Variants in ADAMTS6 observed in about 807,000 individuals in gnomAD.
ADAMTS6 encodes ADAM metallopeptidase with thrombospondin type 1 motif 6, also known as A disintegrin and metalloproteinase with thrombospondin motifs 6.
In ADAMTS6, 23 loss-of-function variants were observed where a neutral mutation model predicts 144.3. The observed-to-expected ratio is 0.16, with a 90% CI of 0.11 to 0.23. The LOEUF is 0.23. Ranked by LOEUF, ADAMTS6 falls within the 10% of genes least tolerant of loss-of-function variation. The pLI is 1.00. For synonymous variants in ADAMTS6, 444 were observed against 457.5 expected, an observed-to-expected ratio of 0.97 and a Z score of 0.38; for missense variants, 999 against 1,379.6, an observed-to-expected ratio of 0.72 and a Z score of 4.37.
intron 7 of ADAMTS6, among the ~76,000 whole-genome samples, chr5:65,347,991 T>C (rs1336361759): frequency 6.6e-6 from 1 of 152,080 alleles, no homozygotes; most frequent in Non-Finnish European, 1.5e-5. Context: ...TCATACTTGT[T>C]AGAATGACTA....
At chr5:65,161,770 G>A (rs2112004710) in intron 24 of ADAMTS6, among the ~76,000 whole-genome samples, 1 of 152,258 alleles carries the variant, frequency 6.6e-6, no homozygotes, top group Admixed American at 6.5e-5. Context: ...TTCCATATAT[G>A]CTATTGGGAA....
At chr5:65,334,192 A>T in intron 7 of ADAMTS6, 107 bp from the exon 8 acceptor site, 1 of 1,230,066 alleles carries the variant, frequency 8.1e-7, no homozygotes, top group Non-Finnish European at 1.1e-6. Flanking sequence ...AATTAATGCA[A>T]TTATGAGCAA....
chr5:65,333,658 G>A (rs1209986666), intron 8 of ADAMTS6, among the ~76,000 whole-genome samples: 1 of 149,922 alleles, frequency 6.7e-6, no homozygotes, highest in Non-Finnish European at 1.5e-5. Context: ...GATGTTGACT[G>A]CTTTCATTTA....
chr5:65,360,207 C>A (rs918532255), intron 7 of ADAMTS6, among the ~76,000 whole-genome samples: 1 of 152,072 alleles, frequency 6.6e-6, no homozygotes, highest in Non-Finnish European at 1.5e-5. Context: ...GAGTGAGTCA[C>A]TTCAGATGGC....
chr5:65,451,577 C>T lies in ADAMTS6; in HGVS notation c.971G>A (p.Ser324Asn). Residue 324 changes from serine (S) to asparagine (N), a missense_variant, in exon 7 of 25, where the codon AGC becomes AAC. This residue lies in a region of ADAMTS6 where 128 missense variants were observed against 249.0 expected (regional missense o/e 0.51). Coordinates refer to ENST00000381055, the MANE Select transcript of ADAMTS6 (RefSeq NM_197941.4). ...INHHADKSLD[S>N]FCKWQKSILS... ...AATGGATTTCTGCCATTTACAGAAG[C>T]TATCGAGGGACTTGTCTGCATGGTG... 6.2e-7 allele frequency: 1 copy of T among 1,613,162 alleles called. No homozygotes were observed. The highest frequency in any genetic ancestry group is 1.3e-5 in the African/African-American group (1 of 74,974).
intron 7 of ADAMTS6, among the ~76,000 whole-genome samples, chr5:65,381,587 T>C (rs978693313): frequency 2.1e-5 from 3 of 141,114 alleles, no homozygotes; most frequent in Non-Finnish European, 4.6e-5. Context: ...GGTTTCACCA[T>C]CTTGGACAGG....
chr5:65,476,161 A>ATTCC (rs1760827083), intron 1 of ADAMTS6, among the ~76,000 whole-genome samples: 1 of 152,208 alleles, frequency 6.6e-6, no homozygotes, highest in African/African-American at 2.4e-5. Flanking sequence ...TATAACTAAC[A>ATTCC]AGGAACTAAG....
intron 7 of ADAMTS6, among the ~76,000 whole-genome samples, chr5:65,357,786 T>C (rs1184837146): frequency 6.6e-6 from 1 of 151,796 alleles, no homozygotes; most frequent in African/African-American, 2.4e-5. Context: ...GACTGAATCA[T>C]GATGAAATAC....
chr5:65,193,515 C>G (rs1755139067), intron 21 of ADAMTS6, among the ~76,000 whole-genome samples: 1 of 151,910 alleles, frequency 6.6e-6, no homozygotes, highest in Non-Finnish European at 1.5e-5. Context: ...CAAAATAAGA[C>G]AGCAATTAGA....
chr5:65,248,731 G>A (rs1382717577), intron 14 of ADAMTS6, among the ~76,000 whole-genome samples: 1 of 152,058 alleles, frequency 6.6e-6, no homozygotes, highest in Non-Finnish European at 1.5e-5. Flanking sequence ...AGGTTGCAGT[G>A]AGTCCAGATC....
chr5:65,227,169 TATAAA>T (rs1172454074), intron 15 of ADAMTS6, among the ~76,000 whole-genome samples: 1 of 152,164 alleles, frequency 6.6e-6, no homozygotes, highest in Non-Finnish European at 1.5e-5. Context: ...CAAGGATAAA[TATAAA>T]ATATAGTATT....
chr5:65,412,427 CACAA>C (rs1003907564), intron 7 of ADAMTS6, among the ~76,000 whole-genome samples: 6 of 152,024 alleles, frequency 3.9e-5, no homozygotes, highest in African/African-American at 9.7e-5. Flanking sequence ...CACACAGGCA[CACAA>C]ACACACACAC....
chr5:65,300,247 T>G (rs2112797748), intron 9 of ADAMTS6, 116 bp from the exon 10 acceptor site: 2 of 891,996 alleles, frequency 2.2e-6, no homozygotes, highest in Middle Eastern at 3.1e-4. Flanking sequence ...TCCATCAGGA[T>G]AGGCCAGATC....
intron 2 of ADAMTS6, 95 bp downstream of exon 2, chr5:65,473,482 C>T: frequency 9.1e-7 from 1 of 1,093,238 alleles, no homozygotes; most frequent in East Asian, 2.4e-5. Context: ...CTACATATCC[C>T]AAAAAAAACT....
intron 7 of ADAMTS6, among the ~76,000 whole-genome samples, chr5:65,444,110 G>A (rs1002181059): frequency 7.2e-5 from 11 of 152,106 alleles, no homozygotes; most frequent in African/African-American, 2.7e-4. Context: ...ATTAAAACCA[G>A]TCCAGGCTCA....
intron 9 of ADAMTS6, among the ~76,000 whole-genome samples, chr5:65,326,064 C>T (rs1746137279): frequency 1.3e-5 from 2 of 151,990 alleles, no homozygotes; most frequent in South Asian, 2.1e-4. Flanking sequence ...CATGTCACTT[C>T]AGTCTCACAT....
In ADAMTS6 at chr5:65,148,802, C is replaced by A. The variant is rs903820705; in HGVS notation, c.*3034G>T. 6.6e-6 allele frequency: 1 copy of A among 152,332 alleles called. No homozygotes were observed. The highest frequency in any genetic ancestry group is 1.9e-4 in the East Asian group (1 of 5,180). The allele number at this position is 152,332 out of a possible 1,614,324, so 9.4% of individuals were successfully genotyped here. A position where few individuals can be genotyped will look rare whatever the true frequency, so the allele number is the denominator to read the frequency against. On this transcript the variant is annotated 3_prime_UTR_variant, in exon 25 of 25. Coordinates refer to ENST00000381055, the MANE Select transcript of ADAMTS6 (RefSeq NM_197941.4). Reference sequence around the variant, plus strand: ...TATGTCAAAAAAATTCTGTGCCTGGCGTGGAATTTCACTCCATCAAGTGTT... The same window carrying A: ...TATGTCAAAAAAATTCTGTGCCTGGAGTGGAATTTCACTCCATCAAGTGTT...
chr5:65,307,883 C>A (rs1435981841), intron 9 of ADAMTS6, among the ~76,000 whole-genome samples: 2 of 152,120 alleles, frequency 1.3e-5, no homozygotes, highest in African/African-American at 4.8e-5. Flanking sequence ...TACTTCATTT[C>A]TTTTTAAGCA....
At chr5:65,304,347 C>CT (rs1192677804) in intron 9 of ADAMTS6, among the ~76,000 whole-genome samples, 3 of 152,136 alleles carry the variant, frequency 2.0e-5, no homozygotes, top group African/African-American at 4.8e-5. Context: ...AAATACATTT[C>CT]TTTTTTGGCA....
Sources: allele counts gnomAD v4.1 joint callset (sites outside exome capture counted in the v4.1 genomes callset), GRCh38; gene constraint gnomAD v4.1.1; regional missense constraint gnomAD v4.1.1; transcripts MANE v1.5; gene names NCBI Gene and HGNC (gene_info 2026-07-23, HGNC 2026-07-21).